Variants in LHFPL6 observed in about 807,000 individuals in gnomAD.
LHFPL6 encodes the protein LHFPL tetraspan subfamily member 6 protein.
LHFPL6 carries 9 observed loss-of-function variants against 20.6 expected under a neutral mutation model. The ratio of observed to expected loss-of-function variants is 0.44; its 90% CI spans 0.26 to 0.76. The LOEUF (loss-of-function observed/expected upper bound fraction) is 0.76. LHFPL6 is among the 30% of genes least tolerant of loss of function. LHFPL6 has a pLI of 0.20. For missense variants in LHFPL6, 218 were observed against 253.5 expected, an observed-to-expected ratio of 0.86 and a Z score of 0.95; for synonymous variants, 105 against 98.7, an observed-to-expected ratio of 1.06 and a Z score of -0.38.
At chr13:39,524,926 A>G (rs1413937888) in intron 2 of LHFPL6, among the ~76,000 whole-genome samples, 1 of 152,264 alleles carries the variant, frequency 6.6e-6, no homozygotes, top group Non-Finnish European at 1.5e-5. Context: ...AAAATCAGCA[A>G]AGGAAATAAA....
intron 2 of LHFPL6, among the ~76,000 whole-genome samples, chr13:39,513,864 C>T (rs1869810067): frequency 6.6e-6 from 1 of 152,062 alleles, no homozygotes; most frequent in South Asian, 2.1e-4. Context: ...TAGTGTGATC[C>T]CTACCGTACT....
rs1200308117 is a variant in LHFPL6, at chr13:39,587,207, A to C, written c.385+13625T>G. On this transcript the variant is annotated intron_variant, in intron 2 of 3. Coordinates refer to ENST00000379589, the MANE Select transcript of LHFPL6 (RefSeq NM_005780.3). ...TGGAACATAAATCAGGGCCTTCATA[A>C]CCTGACTCCATCTGTCCTCTCCACG... Among the ~76,000 whole-genome samples, 4 of 152,020 alleles carry C rather than the reference A, an allele frequency of 2.6e-5. No homozygotes were observed. The East Asian group carries it at 7.7e-4, about 29-fold the overall frequency.
intron 2 of LHFPL6, among the ~76,000 whole-genome samples, chr13:39,471,887 G>C (rs1872957477): frequency 6.6e-6 from 1 of 152,130 alleles, no homozygotes; most frequent in Non-Finnish European, 1.5e-5. Flanking sequence ...TCACAAAAAA[G>C]GAATTCACCC....
At chr13:39,533,654 C>T (rs1593352469) in intron 2 of LHFPL6, among the ~76,000 whole-genome samples, 1 of 152,174 alleles carries the variant, frequency 6.6e-6, no homozygotes, top group African/African-American at 2.4e-5. Context: ...TCCTCCCCAC[C>T]ACTGGAGTCC....
intron 2 of LHFPL6, among the ~76,000 whole-genome samples, chr13:39,566,513 G>C (rs1871719044): frequency 6.6e-6 from 1 of 151,940 alleles, no homozygotes; most frequent in Admixed American, 6.6e-5. Flanking sequence ...GGCTGAGACA[G>C]GTGGATCACT....
At chr13:39,534,890 C>T (rs924232883) in intron 2 of LHFPL6, among the ~76,000 whole-genome samples, 1 of 152,158 alleles carries the variant, frequency 6.6e-6, no homozygotes. Context: ...GCTTCTATAA[C>T]AAAGTACCAT....
intron 2 of LHFPL6, among the ~76,000 whole-genome samples, chr13:39,503,709 G>T (rs1004793757): frequency 1.3e-5 from 2 of 152,124 alleles, no homozygotes; most frequent in Non-Finnish European, 2.9e-5. Context: ...ACCTTACTAT[G>T]TCTGTACACT....
chr13:39,439,734 A>G (rs1199748686), intron 2 of LHFPL6, among the ~76,000 whole-genome samples: 1 of 151,886 alleles, frequency 6.6e-6, no homozygotes, highest in Non-Finnish European at 1.5e-5. Context: ...TGGTTTTTTA[A>G]AAGTCTGTAG....
chr13:39,596,856 G>A (rs957166608), intron 2 of LHFPL6, among the ~76,000 whole-genome samples: 5 of 152,108 alleles, frequency 3.3e-5, no homozygotes, highest in Non-Finnish European at 5.9e-5. Context: ...AAAGCATAAC[G>A]TGGCATATCA....
intron 2 of LHFPL6, among the ~76,000 whole-genome samples, chr13:39,575,054 A>G (rs1001023134): frequency 6.6e-6 from 1 of 151,988 alleles, no homozygotes; most frequent in Non-Finnish European, 1.5e-5. Context: ...CTCGCGACAG[A>G]GCAAACTCCA....
At chr13:39,595,263 T>A (rs147311734) in intron 2 of LHFPL6, among the ~76,000 whole-genome samples, 1 of 152,206 alleles carries the variant, frequency 6.6e-6, no homozygotes, top group Non-Finnish European at 1.5e-5. Flanking sequence ...ATGCTCTCAC[T>A]GGTGCTCACT....
At chr13:39,419,234 G>A (rs1026779278) in intron 2 of LHFPL6, among the ~76,000 whole-genome samples, 6 of 152,118 alleles carry the variant, frequency 3.9e-5, no homozygotes, top group Non-Finnish European at 8.8e-5. Context: ...GAAAAAAATG[G>A]CAAATAATGA....
chr13:39,417,291 A>T (rs1871373268), intron 2 of LHFPL6, among the ~76,000 whole-genome samples: 2 of 152,222 alleles, frequency 1.3e-5, no homozygotes, highest in Admixed American at 1.3e-4. Context: ...TGAAGCCCTC[A>T]ACTGCTCTGA....
chr13:39,587,154 T>C (rs1872474006), intron 2 of LHFPL6, among the ~76,000 whole-genome samples: 1 of 53,964 alleles, frequency 1.9e-5, no homozygotes, highest in Admixed American at 1.6e-4. Context: ...TGAAACTCCG[T>C]CTCAAAAAAA....
chr13:39,348,430 C>A (rs60526930), intron 3 of LHFPL6, among the ~76,000 whole-genome samples: 5 of 152,052 alleles, frequency 3.3e-5, no homozygotes, highest in African/African-American at 1.2e-4. Flanking sequence ...TTCTTCCCTC[C>A]GGGTGGAACA....
intron 2 of LHFPL6, among the ~76,000 whole-genome samples, chr13:39,531,062 A>G (rs374532403): frequency 6.6e-6 from 1 of 152,152 alleles, no homozygotes; most frequent in African/African-American, 2.4e-5. Context: ...AACTGGCTCT[A>G]CTTTTCACAG....
chr13:39,591,322 A>G (rs1038427334), intron 2 of LHFPL6, among the ~76,000 whole-genome samples: 2 of 152,228 alleles, frequency 1.3e-5, no homozygotes, highest in African/African-American at 4.8e-5. Flanking sequence ...TGCAATTTGT[A>G]GCTGGAGTCA....
chr13:39,599,886 C>T (rs1318669905), intron 2 of LHFPL6, among the ~76,000 whole-genome samples: 2 of 152,212 alleles, frequency 1.3e-5, no homozygotes, highest in African/African-American at 2.4e-5. Flanking sequence ...CAGACCTTTA[C>T]TTTGTAATGA....
chr13:39,594,533 T>A (rs868178435), intron 2 of LHFPL6, among the ~76,000 whole-genome samples: 2 of 152,228 alleles, frequency 1.3e-5, no homozygotes, highest in Admixed American at 6.5e-5. Flanking sequence ...TGTAAACTAG[T>A]TCAACCATTG....
Sources: allele counts gnomAD v4.1 joint callset (sites outside exome capture counted in the v4.1 genomes callset), GRCh38; gene constraint gnomAD v4.1.1; transcripts MANE v1.5; gene names NCBI Gene and HGNC (gene_info 2026-07-23, HGNC 2026-07-21).